Variants in FOXN2 observed in about 807,000 individuals in gnomAD.
FOXN2 encodes the protein forkhead box N2, also known as forkhead box protein N2.
Under a neutral mutation model 41.2 loss-of-function variants are expected in FOXN2, and 19 were observed. That is an observed-to-expected ratio of 0.46 (90% confidence interval 0.32 to 0.68). FOXN2 has a LOEUF of 0.68. Among genes scored for constraint, FOXN2 ranks in the 30% least tolerant of loss-of-function variants. The probability of loss-of-function intolerance (pLI) is 0.03; values close to 1 mark genes in which losing one functional copy is unlikely to be tolerated. For synonymous variants in FOXN2, 195 were observed against 176.8 expected (o/e 1.10, Z -0.82); for missense variants, 587 against 509.4 (o/e 1.15, Z -1.47).
chr2:48,331,236 A>G (rs375005439), intron 2 of FOXN2, among the ~76,000 whole-genome samples: 2 of 152,300 alleles, frequency 1.3e-5, no homozygotes, highest in East Asian at 1.9e-4. Flanking sequence ...TCTCAGTGCT[A>G]TATTTTATTT....
intron 1 of FOXN2, among the ~76,000 whole-genome samples, chr2:48,324,441 G>A (rs1241120012): frequency 3.9e-5 from 6 of 152,172 alleles, no homozygotes; most frequent in Non-Finnish European, 8.8e-5. Flanking sequence ...TGATTTGCCT[G>A]CCTTGGCCTC....
intron 2 of FOXN2, among the ~76,000 whole-genome samples, chr2:48,336,270 T>C (rs1419614669): frequency 6.6e-6 from 1 of 151,314 alleles, no homozygotes; most frequent in East Asian, 1.9e-4. Context: ...AAGCCGGGTG[T>C]GGTGGTGCAC....
intron 1 of FOXN2, among the ~76,000 whole-genome samples, chr2:48,321,982 T>C (rs1284146119): frequency 1.3e-5 from 2 of 152,216 alleles, no homozygotes; most frequent in Non-Finnish European, 2.9e-5. Context: ...GGAGTCTTGC[T>C]TTGTTGCCCA....
At chr2:48,345,886 C>T (rs1671064701) in intron 2 of FOXN2, among the ~76,000 whole-genome samples, 2 of 152,126 alleles carry the variant, frequency 1.3e-5, no homozygotes, top group Admixed American at 1.3e-4. Context: ...ATAATAGCCA[C>T]TTCCTATTAG....
chr2:48,361,160 G>A (rs1672150914), intron 4 of FOXN2, among the ~76,000 whole-genome samples: 1 of 151,992 alleles, frequency 6.6e-6, no homozygotes, highest in African/African-American at 2.4e-5. Flanking sequence ...GTGATCTTGT[G>A]GCTTTAAAAG....
chr2:48,340,001 G>A (rs1308599143), intron 2 of FOXN2, among the ~76,000 whole-genome samples: 1 of 152,136 alleles, frequency 6.6e-6, no homozygotes, highest in East Asian at 1.9e-4. Flanking sequence ...GTCTCAGAAT[G>A]TCTTCCATAT....
intron 1 of FOXN2, 70 bp downstream of exon 1, chr2:48,314,884 G>A (rs912865218): frequency 2.0e-5 from 3 of 151,878 alleles, no homozygotes; most frequent in African/African-American, 7.2e-5. Context: ...GCAGCTCCCG[G>A]GCGCGGAGGC....
chr2:48,316,889 G>A (rs1572684523), intron 1 of FOXN2, among the ~76,000 whole-genome samples: 1 of 152,098 alleles, frequency 6.6e-6, no homozygotes, highest in East Asian at 1.9e-4. Context: ...AGAAGTTACA[G>A]CAACACCATT....
chr2:48,358,563 C>T (rs560159368), intron 3 of FOXN2, among the ~76,000 whole-genome samples: 7 of 152,104 alleles, frequency 4.6e-5, no homozygotes, highest in South Asian at 4.1e-4. Context: ...GATAAAAGAG[C>T]GTCAATAATA....
intron 1 of FOXN2, among the ~76,000 whole-genome samples, chr2:48,317,312 C>T (rs570827567): frequency 1.3e-5 from 2 of 151,838 alleles, no homozygotes; most frequent in African/African-American, 2.4e-5. Flanking sequence ...AGCTGGGCCT[C>T]GTGGGGCATG....
intron 2 of FOXN2, among the ~76,000 whole-genome samples, chr2:48,336,451 GTGTGTGTA>G (rs1449030911): frequency 4.0e-5 from 6 of 148,202 alleles, no homozygotes; most frequent in South Asian, 2.2e-4. Context: ...GTGTGTGTGT[GTGTGTGTA>G]TATATATTTA....
chr2:48,371,817 C>G (rs1572781810), intron 5 of FOXN2, among the ~76,000 whole-genome samples: 1 of 152,106 alleles, frequency 6.6e-6, no homozygotes, highest in African/African-American at 2.4e-5. Context: ...AGATTGCCAT[C>G]TTGATTTCTT....
At chr2:48,359,597 T>TTTTTCTTTTC (rs748844988) in intron 4 of FOXN2, among the ~76,000 whole-genome samples, 1 of 148,466 alleles carries the variant, frequency 6.7e-6, no homozygotes, top group African/African-American at 2.5e-5. Flanking sequence ...CTCGGCCTGT[T>TTTTTCTTTTC]TTTTCTTTTC....
At chr2:48,358,766 A>G (rs1476669363) in intron 3 of FOXN2, among the ~76,000 whole-genome samples, 1 of 152,210 alleles carries the variant, frequency 6.6e-6, no homozygotes, top group African/African-American at 2.4e-5. Flanking sequence ...AGGTAATTCA[A>G]ATTTTAAGAA....
At chr2:48,372,970 C>T (rs1403042166) in intron 5 of FOXN2, among the ~76,000 whole-genome samples, 2 of 149,008 alleles carry the variant, frequency 1.3e-5, no homozygotes, top group Non-Finnish European at 3.0e-5. Context: ...CTAATTTAAT[C>T]TGTTTAAGGG....
At chr2:48,348,825 A>G (rs1236789466) in intron 3 of FOXN2, among the ~76,000 whole-genome samples, 4 of 152,222 alleles carry the variant, frequency 2.6e-5, no homozygotes, top group African/African-American at 9.7e-5. Context: ...CTACAACTTC[A>G]TCTTCTAGCT....
intron 5 of FOXN2, among the ~76,000 whole-genome samples, chr2:48,364,175 T>C (rs1383040895): frequency 6.6e-6 from 1 of 152,180 alleles, no homozygotes; most frequent in Non-Finnish European, 1.5e-5. Flanking sequence ...ATAAAAACAT[T>C]TATTAAAGAG....
intron 2 of FOXN2, among the ~76,000 whole-genome samples, chr2:48,337,795 A>G (rs1165178533): frequency 3.3e-5 from 5 of 152,230 alleles, no homozygotes; most frequent in African/African-American, 1.2e-4. Context: ...TTTTAAAGTT[A>G]CATGCAATTA....
chr2:48,351,154 G>A (rs762677047), intron 3 of FOXN2, among the ~76,000 whole-genome samples: 2 of 151,994 alleles, frequency 1.3e-5, no homozygotes, highest in African/African-American at 2.4e-5. Context: ...TAGAGACAGG[G>A]TTTTGCCATG....
Sources: allele counts gnomAD v4.1 joint callset (sites outside exome capture counted in the v4.1 genomes callset), GRCh38; gene constraint gnomAD v4.1.1; transcripts MANE v1.5; gene names NCBI Gene and HGNC (gene_info 2026-07-23, HGNC 2026-07-21).